The following TBC1D2 variants were observed in gnomAD, a reference collection of about 807,000 sequenced individuals.
TBC1D2 encodes TBC1 domain family member 2.
TBC1D2 carries 58 observed loss-of-function variants against 91.1 expected under a neutral mutation model. That is an observed-to-expected ratio of 0.64 (90% CI 0.52 to 0.79). The LOEUF is 0.79. Among genes scored for constraint, TBC1D2 ranks in the 30% least tolerant of loss-of-function variants. TBC1D2 has a pLI of 0.00. For missense variants in TBC1D2, 1,080 were observed against 1,208.3 expected, an observed-to-expected ratio of 0.89 and a Z score of 1.57; for synonymous variants, 482 against 511.5, an observed-to-expected ratio of 0.94 and a Z score of 0.78.
chr9:98,203,166 A>T (rs1828552915), intron 10 of TBC1D2, 122 bp downstream of exon 10: 2 of 1,427,346 alleles, frequency 1.4e-6, no homozygotes, highest in Non-Finnish European at 1.9e-6. Flanking sequence ...GCACTCCCAC[A>T]GTGCAGAGGG....
chr9:98,238,764 G>A lies in TBC1D2; in HGVS notation c.648-5215C>T, dbSNP rs555661868. ...TTTTTTGTTTTTTGTTTTCTGAGAC[G>A]GAGCTGCTCTGTCGCCCAGGCTGGA... On this transcript the variant is annotated intron_variant, in intron 3 of 12. Transcript: ENST00000465784. 3.0e-5 allele frequency among the ~76,000 whole-genome samples: 4 copies of A among 134,402 alleles called. No homozygotes were observed. In the South Asian group the frequency reaches 8.4e-4, roughly 28 times the overall value. The allele number at this position is 134,402 out of a possible 152,430, so 88.2% of individuals were successfully genotyped here. A position where few individuals can be genotyped will look rare whatever the true frequency, so the allele number is the denominator to read the frequency against.
At position 98,199,311 on chromosome 9, in the gene TBC1D2, T is replaced by G; in HGVS notation, c.*70A>C. On this transcript the variant is annotated 3_prime_UTR_variant, in exon 13 of 13. Coordinates refer to ENST00000465784, the MANE Select transcript of TBC1D2 (RefSeq NM_001267571.2). ...GGGACACCCAGGGCTGGGCCACTGGTCCGTGCCTGACCTCCAGTGGGTCTG... is the reference window on the plus strand; with the variant it reads ...GGGACACCCAGGGCTGGGCCACTGGGCCGTGCCTGACCTCCAGTGGGTCTG... The G allele has an allele frequency of 6.4e-7, 1 of 1,563,968 alleles. No individual in the cohort carries two copies. Among genetic ancestry groups the G allele is most frequent in the Non-Finnish European group, 8.8e-7 (1 of 1,140,504 alleles).
Position 98,228,861 on chromosome 9 carries a change from C to T in TBC1D2, c.978+91G>A, listed in dbSNP as rs182302572. ...ACCAGAGAGTAGCTGGTGCCCAGCA[C>T]GGCTAATGCGTCCCATCTAGCTTAT... On this transcript the variant is annotated intron_variant, in intron 5 of 12. Coordinates refer to ENST00000465784, the MANE Select transcript of TBC1D2 (RefSeq NM_001267571.2). The surrounding 1 kb of genome is among the most constrained non-coding windows in gnomAD (Gnocchi z 4.0). The T allele has an allele frequency of 6.7e-5, 86 of 1,275,594 alleles. No individual in the cohort carries two copies. Among genetic ancestry groups the T allele is most frequent in the Middle Eastern group, 2.7e-4 (1 of 3,714 alleles). The allele number at this position is 1,275,594 out of a possible 1,614,324, so 79.0% of individuals were successfully genotyped here. A position where few individuals can be genotyped will look rare whatever the true frequency, so the allele number is the denominator to read the frequency against.
intron 1 of TBC1D2, among the ~76,000 whole-genome samples, chr9:98,253,596 G>A (rs1829913574): frequency 6.6e-6 from 1 of 152,168 alleles, no homozygotes; most frequent in Non-Finnish European, 1.5e-5. Flanking sequence ...TGGACACTCA[G>A]GGCTGTATCA....
chr9:98,242,710 G>A (rs948354462), intron 3 of TBC1D2, among the ~76,000 whole-genome samples: 1 of 149,006 alleles, frequency 6.7e-6, no homozygotes, highest in Non-Finnish European at 1.5e-5. Context: ...AAAGCATTGA[G>A]AAACAACTTG....
At chr9:98,205,587 C>T (rs1279443171) in intron 9 of TBC1D2, among the ~76,000 whole-genome samples, 1 of 151,354 alleles carries the variant, frequency 6.6e-6, no homozygotes, top group African/African-American at 2.4e-5. Context: ...CACTCTGTTG[C>T]CCAGGCTAGA....
chr9:98,210,478 G>A (rs973088034), intron 8 of TBC1D2, among the ~76,000 whole-genome samples, 178 bp downstream of exon 8: 4 of 152,208 alleles, frequency 2.6e-5, no homozygotes, highest in Non-Finnish European at 5.9e-5. Flanking sequence ...CCATGGCAGG[G>A]GGCTGCCTCC....
At chr9:98,203,447 C>T (rs369494626) in intron 9 of TBC1D2, 39 bp from the exon 10 acceptor site, 434 of 1,609,308 alleles carry the variant, frequency 2.7e-4, no homozygotes, top group Non-Finnish European at 3.4e-4. Flanking sequence ...TTACAGAAGC[C>T]GTGGCCCTGC....
rs190358938 is a variant in TBC1D2 at position 98,227,388 on chromosome 9, A to G, written c.978+1564T>C. Reference sequence around the variant, plus strand: ...TAATAAAAATTTGGTGAATAAACACATGAGTTAAGAACGTATGAATAAATG... The same window carrying G: ...TAATAAAAATTTGGTGAATAAACACGTGAGTTAAGAACGTATGAATAAATG... On this transcript the variant is annotated intron_variant, in intron 5 of 12. Transcript: ENST00000465784. 1.8e-4 allele frequency among the ~76,000 whole-genome samples: 28 copies of G among 152,320 alleles called. 1 individual carries two copies. Among genetic ancestry groups the G allele is most frequent in the Admixed American group, 1.7e-3 (26 of 15,306 alleles).
At chr9:98,204,784 C>T (rs1048357910) in intron 9 of TBC1D2, among the ~76,000 whole-genome samples, 4 of 152,096 alleles carry the variant, frequency 2.6e-5, no homozygotes, top group Non-Finnish European at 4.4e-5. Flanking sequence ...TAGGAAGCTC[C>T]GTTCTCTCAG....
chr9:98,249,329 A>G (rs925103799), intron 2 of TBC1D2, among the ~76,000 whole-genome samples: 17 of 152,220 alleles, frequency 1.1e-4, no homozygotes, highest in Non-Finnish European at 2.4e-4. Context: ...TGCCCACAGC[A>G]GGGGCTGGCC....
rs113761707 is a variant in TBC1D2 at position 98,249,339 on chromosome 9, C to T, written c.511+2446G>A. ...TCCAATGCCCACAGCAGGGGCTGGC[C>T]TGGAAGAGGCCCGCCGTGTGTGCTG... On this transcript the variant is annotated intron_variant, in intron 2 of 12. Coordinates refer to ENST00000465784, the MANE Select transcript of TBC1D2 (RefSeq NM_001267571.2). Among the ~76,000 whole-genome samples the T allele has an allele frequency of 3.7e-3, 568 of 152,290 alleles. 2 individuals are homozygous for T. Among genetic ancestry groups the T allele is most frequent in the Non-Finnish European group, 6.5e-3 (440 of 68,026 alleles).
At chr9:98,238,584 C>A (rs1829563806) in intron 3 of TBC1D2, among the ~76,000 whole-genome samples, 1 of 136,878 alleles carries the variant, frequency 7.3e-6, no homozygotes, top group African/African-American at 3.6e-5. Context: ...ATGTTCTTGC[C>A]TAATTGGCCT....
intron 6 of TBC1D2, among the ~76,000 whole-genome samples, chr9:98,217,686 A>C (rs570032630): frequency 6.6e-6 from 1 of 152,278 alleles, no homozygotes; most frequent in South Asian, 2.1e-4. Context: ...ACTAAGGAAC[A>C]CCAACTACAT....
chr9:98,203,899 C>G (rs1302727730), intron 9 of TBC1D2, among the ~76,000 whole-genome samples: 1 of 152,200 alleles, frequency 6.6e-6, no homozygotes, highest in Non-Finnish European at 1.5e-5. Flanking sequence ...GTTTCATGAT[C>G]TGTAAAGTGA....
In TBC1D2 at chr9:98,221,103, C is replaced by CTGCCGCACTTTG; in HGVS notation, c.1092_1103dup (p.His364_Arg367dup). On this transcript the variant is annotated inframe_insertion, in exon 6 of 13. Transcript: ENST00000465784. ...CCACCCGCCGGCCCAGCTCCGCGAT[C>CTGCCGCACTTTG]TGCCGCACTTTGTGCCGCACCAGCT... The CTGCCGCACTTTG allele has an allele frequency of 6.2e-7, 1 of 1,605,112 alleles. No individual in the cohort carries two copies. The highest frequency in any genetic ancestry group is 8.5e-7 in the Non-Finnish European group (1 of 1,176,404).
intron 9 of TBC1D2, among the ~76,000 whole-genome samples, chr9:98,207,011 C>T (rs1327534599): frequency 6.6e-6 from 1 of 152,206 alleles, no homozygotes; most frequent in Non-Finnish European, 1.5e-5. Context: ...AGTACAGGGG[C>T]TTTTGTCAGA....
intron 3 of TBC1D2, among the ~76,000 whole-genome samples, chr9:98,238,328 T>C (rs1024552804): frequency 2.2e-5 from 3 of 137,466 alleles, no homozygotes; most frequent in East Asian, 3.9e-4. Flanking sequence ...AATTCATTCC[T>C]AAATATTTAA....
chr9:98,248,691 T>C (rs1348036395), intron 2 of TBC1D2, among the ~76,000 whole-genome samples: 1 of 152,216 alleles, frequency 6.6e-6, no homozygotes, highest in Non-Finnish European at 1.5e-5. Flanking sequence ...CTAACTACTC[T>C]ATAAAATTAT....
Sources: allele counts gnomAD v4.1 joint callset (sites outside exome capture counted in the v4.1 genomes callset), GRCh38; gene constraint gnomAD v4.1.1; non-coding constraint Gnocchi (gnomAD v3.1); transcripts MANE v1.5; gene names NCBI Gene and HGNC (gene_info 2026-07-23, HGNC 2026-07-21).